The following NELL1 variants were observed in gnomAD, a reference collection of about 807,000 sequenced individuals.
The protein encoded by NELL1 is protein kinase C-binding protein NELL1.
A neutral mutation model predicts 107.4 loss-of-function variants in NELL1; 76 were observed. The ratio of observed to expected loss-of-function variants is 0.71; its 90% CI spans 0.59 to 0.86. The LOEUF (loss-of-function observed/expected upper bound fraction) is 0.86, where lower values mean the gene tolerates loss of function less well. Among genes scored for constraint, NELL1 ranks in the 40% least tolerant of loss-of-function variants. The probability of loss-of-function intolerance (pLI) is 0.00; values close to 1 mark genes in which losing one functional copy is unlikely to be tolerated. For missense variants in NELL1, 1,024 were observed against 1,005.5 expected (o/e 1.02, Z -0.25); for synonymous variants, 353 against 341.2 (o/e 1.03, Z -0.38).
chr11:20,959,469 A>C (rs1185659437), intron 11 of NELL1, among the ~76,000 whole-genome samples: 1 of 152,206 alleles, frequency 6.6e-6, no homozygotes, highest in East Asian at 1.9e-4. Flanking sequence ...GATATAGATG[A>C]TGGAATACTA....
intron 15 of NELL1, among the ~76,000 whole-genome samples, chr11:21,496,832 G>C (rs1161696828): frequency 6.6e-6 from 1 of 151,934 alleles, no homozygotes; most frequent in Non-Finnish European, 1.5e-5. Context: ...GTGTCTAAGC[G>C]TTCTCATTGT....
chr11:21,160,285 C>T (rs956755379), intron 13 of NELL1, among the ~76,000 whole-genome samples: 1 of 152,142 alleles, frequency 6.6e-6, no homozygotes, highest in East Asian at 1.9e-4. Context: ...TTCTATTCAT[C>T]ATTTGAAGAC....
intron 12 of NELL1, among the ~76,000 whole-genome samples, chr11:21,003,963 T>C (rs994904553): frequency 1.1e-4 from 17 of 152,138 alleles, no homozygotes; most frequent in Admixed American, 5.2e-4. Context: ...GTGAGAAAAA[T>C]AGAGGACTCA....
At chr11:21,144,753 A>G (rs1420335972) in intron 13 of NELL1, among the ~76,000 whole-genome samples, 1 of 152,212 alleles carries the variant, frequency 6.6e-6, no homozygotes, top group Non-Finnish European at 1.5e-5. Context: ...TAGAATGCTA[A>G]GCATGAACAG....
At chr11:21,362,014 C>T (rs888523400) in intron 14 of NELL1, among the ~76,000 whole-genome samples, 3 of 152,156 alleles carry the variant, frequency 2.0e-5, no homozygotes, top group Non-Finnish European at 4.4e-5. Flanking sequence ...GGGTTTGGCT[C>T]CATTGCTAGG....
chr11:20,867,567 A>C (rs117257956), intron 4 of NELL1, among the ~76,000 whole-genome samples: 2 of 152,160 alleles, frequency 1.3e-5, no homozygotes, highest in Non-Finnish European at 2.9e-5. Flanking sequence ...TCTGGGCATC[A>C]TTTGCAAAAT....
intron 11 of NELL1, among the ~76,000 whole-genome samples, chr11:20,959,606 G>T (rs976940679): frequency 2.6e-5 from 4 of 152,156 alleles, no homozygotes; most frequent in Admixed American, 2.6e-4. Context: ...TCATAAGTGG[G>T]AGTTAGGCTA....
At chr11:21,324,440 C>G (rs1272653810) in intron 14 of NELL1, among the ~76,000 whole-genome samples, 1 of 152,016 alleles carries the variant, frequency 6.6e-6, no homozygotes. Flanking sequence ...GTTGATTTTC[C>G]TCAAGAGATT....
chr11:21,136,884 T>C (rs1490894206), intron 13 of NELL1, among the ~76,000 whole-genome samples: 1 of 152,196 alleles, frequency 6.6e-6, no homozygotes, highest in Non-Finnish European at 1.5e-5. Context: ...TGAAATTGTA[T>C]GGATTTGGAC....
intron 13 of NELL1, among the ~76,000 whole-genome samples, chr11:21,226,673 A>C (rs1857900891): frequency 6.6e-6 from 1 of 152,194 alleles, no homozygotes; most frequent in Non-Finnish European, 1.5e-5. Flanking sequence ...CCTCAAAGTC[A>C]ATTATGGCAT....
At chr11:21,382,026 A>G (rs930360847) in intron 15 of NELL1, among the ~76,000 whole-genome samples, 1 of 150,064 alleles carries the variant, frequency 6.7e-6, no homozygotes, top group Non-Finnish European at 1.5e-5. Flanking sequence ...GACTCTGTAC[A>G]TAGGAAGAGT....
At chr11:20,893,820 A>C (rs1849668417) in intron 5 of NELL1, among the ~76,000 whole-genome samples, 1 of 151,294 alleles carries the variant, frequency 6.6e-6, no homozygotes, top group African/African-American at 2.4e-5. Context: ...AAACAATAAA[A>C]AATAAGGACT....
rs186995552 is a variant in NELL1 at position 20,897,173 on chromosome 11, C to T, written c.603+11633C>T. Reference sequence around the variant, plus strand: ...CCTGACTTCAAACTATACTACAAAGCTACAGTAACCAAAACAGCATGGTAC... The same window carrying T: ...CCTGACTTCAAACTATACTACAAAGTTACAGTAACCAAAACAGCATGGTAC... On this transcript the variant is annotated intron_variant, in intron 5 of 19. Coordinates refer to ENST00000357134, the MANE Select transcript of NELL1 (RefSeq NM_006157.5). Among the ~76,000 whole-genome samples the T allele has an allele frequency of 2.6e-3, 399 of 152,268 alleles. 1 individual carries two copies. Among genetic ancestry groups the T allele is most frequent in the East Asian group, 0.017 (90 of 5,166 alleles).
chr11:20,995,438 C>T (rs1169013410), intron 12 of NELL1, among the ~76,000 whole-genome samples: 1 of 151,986 alleles, frequency 6.6e-6, no homozygotes, highest in Non-Finnish European at 1.5e-5. Context: ...ATTAGCCGCA[C>T]GTGGTGGCGC....
chr11:20,744,511 C>CT (rs1430357231), intron 2 of NELL1, among the ~76,000 whole-genome samples: 2 of 152,194 alleles, frequency 1.3e-5, no homozygotes, highest in African/African-American at 4.8e-5. Context: ...CTAATCTAGG[C>CT]TGAGCTTGAC....
In NELL1 at chr11:20,885,456, T is replaced by C. The variant is rs1448944268; in HGVS notation, c.519T>C (p.Arg173=). 1.2e-6 allele frequency: 2 copies of C among 1,610,540 alleles called. No homozygotes were observed. The highest frequency in any genetic ancestry group is 1.7e-5 in the Admixed American group (1 of 60,022). ...TTTGCCTTTACAGGATTTATGAGCGTGTGATAGACCCTCCAGATACCAACC... is the reference window on the plus strand; with the variant it reads ...TTTGCCTTTACAGGATTTATGAGCGCGTGATAGACCCTCCAGATACCAACC... ...LHVDCNRIYE[R]VIDPPDTNLP... Residue 173 remains arginine (R), a synonymous_variant, in exon 5 of 20, where the codon CGT becomes CGC. Transcript: ENST00000357134.
At chr11:20,966,886 C>T (rs189199124) in intron 12 of NELL1, among the ~76,000 whole-genome samples, 13 of 147,406 alleles carry the variant, frequency 8.8e-5, no homozygotes, top group Non-Finnish European at 1.9e-4. Context: ...GAAAGTATAA[C>T]ACAAAGAAAA....
chr11:20,957,820 G>A (rs1247628368), intron 11 of NELL1, among the ~76,000 whole-genome samples: 1 of 152,016 alleles, frequency 6.6e-6, no homozygotes, highest in Non-Finnish European at 1.5e-5. Context: ...TTAATAAACT[G>A]AAAGATACAT....
intron 2 of NELL1, among the ~76,000 whole-genome samples, chr11:20,724,554 A>G (rs1484371518): frequency 6.6e-6 from 1 of 152,198 alleles, no homozygotes; most frequent in Admixed American, 6.6e-5. Context: ...GCATAGCATG[A>G]GTGACCTTTA....
Sources: allele counts gnomAD v4.1 joint callset (sites outside exome capture counted in the v4.1 genomes callset), GRCh38; gene constraint gnomAD v4.1.1; transcripts MANE v1.5; gene names NCBI Gene and HGNC (gene_info 2026-07-23, HGNC 2026-07-21).